Variants in MND1 observed in about 807,000 individuals in gnomAD.
MND1 encodes the protein meiotic nuclear division protein 1 homolog.
MND1 carries 28 observed loss-of-function variants against 35.1 expected under a neutral mutation model. The ratio of observed to expected loss-of-function variants is 0.80; its 90% confidence interval spans 0.59 to 1.09. MND1 has a LOEUF of 1.09. Ranked by LOEUF, MND1 falls within the 50% of genes least tolerant of loss-of-function variation. The pLI, the probability that MND1 is intolerant of heterozygous loss-of-function variation, is 0.00. For synonymous variants in MND1, 69 were observed against 70.5 expected (o/e 0.98, Z 0.11); for missense variants, 213 against 239.6 (o/e 0.89, Z 0.73).
intron 1 of MND1, among the ~76,000 whole-genome samples, chr4:153,349,235 T>G (rs1207179969): frequency 6.6e-6 from 1 of 152,188 alleles, no homozygotes; most frequent in Non-Finnish European, 1.5e-5. Flanking sequence ...CTACATATTG[T>G]CTTAATTTCA....
intron 5 of MND1, among the ~76,000 whole-genome samples, chr4:153,396,309 G>T (rs1460400491): frequency 1.3e-5 from 2 of 152,144 alleles, no homozygotes; most frequent in Non-Finnish European, 2.9e-5. Flanking sequence ...GGGCCGTGCT[G>T]CTTCTGAGCG....
intron 4 of MND1, among the ~76,000 whole-genome samples, chr4:153,373,984 T>C (rs975521176): frequency 1.3e-5 from 2 of 151,830 alleles, no homozygotes; most frequent in African/African-American, 2.4e-5. Context: ...ATGGAAAGAG[T>C]AGTAGTTAGA....
chr4:153,363,770 G>T (rs901840225), intron 4 of MND1, among the ~76,000 whole-genome samples: 4 of 152,202 alleles, frequency 2.6e-5, no homozygotes, highest in African/African-American at 9.6e-5. Context: ...ATTTTTACCA[G>T]AGAAGTTACA....
chr4:153,411,751 T>C (rs1403316773), intron 7 of MND1, among the ~76,000 whole-genome samples: 2 of 152,222 alleles, frequency 1.3e-5, no homozygotes, highest in African/African-American at 2.4e-5. Flanking sequence ...TGTTCTCTCA[T>C]TTCCTAGAAA....
At chr4:153,379,865 A>C (rs1178092325) in intron 4 of MND1, among the ~76,000 whole-genome samples, 2 of 150,354 alleles carry the variant, frequency 1.3e-5, no homozygotes, top group Non-Finnish European at 3.0e-5. Context: ...AAAAAAAAAA[A>C]AAAAAAAAAA....
intron 2 of MND1, among the ~76,000 whole-genome samples, chr4:153,353,815 G>T (rs1273964870): frequency 2.0e-5 from 3 of 152,072 alleles, no homozygotes; most frequent in Admixed American, 6.5e-5. Flanking sequence ...CACCTCCCAG[G>T]TTCAAGCGAT....
At chr4:153,374,164 C>T (rs1728417088) in intron 4 of MND1, among the ~76,000 whole-genome samples, 1 of 152,188 alleles carries the variant, frequency 6.6e-6, no homozygotes, top group South Asian at 2.1e-4. Flanking sequence ...ATGCCTGGTA[C>T]TTTAGGCAGT....
intron 4 of MND1, among the ~76,000 whole-genome samples, chr4:153,377,766 C>T (rs1211747880): frequency 3.3e-5 from 5 of 152,164 alleles, no homozygotes; most frequent in Admixed American, 1.3e-4. Context: ...GGAGTAGACT[C>T]TAGACCTAGA....
chr4:153,344,848 C>A, intron 1 of MND1, 108 bp downstream of exon 1: 2 of 1,506,616 alleles, frequency 1.3e-6, no homozygotes, highest in Non-Finnish European at 1.8e-6. Flanking sequence ...CCATTCCGGG[C>A]CGCGGGAGCG....
chr4:153,400,875 A>G (rs1156992796), intron 6 of MND1, among the ~76,000 whole-genome samples: 1 of 152,232 alleles, frequency 6.6e-6, no homozygotes, highest in Admixed American at 6.5e-5. Context: ...CAGAACATTT[A>G]AAAAGTTATT....
At chr4:153,400,880 G>A (rs1729329667) in intron 6 of MND1, among the ~76,000 whole-genome samples, 1 of 152,066 alleles carries the variant, frequency 6.6e-6, no homozygotes, top group Admixed American at 6.6e-5. Context: ...CATTTAAAAA[G>A]TTATTATAAC....
At chr4:153,387,089 A>C (rs1728889960) in intron 4 of MND1, among the ~76,000 whole-genome samples, 1 of 152,246 alleles carries the variant, frequency 6.6e-6, no homozygotes, top group Admixed American at 6.5e-5. Context: ...ATTATATAGA[A>C]AACTTAAAAG....
intron 4 of MND1, among the ~76,000 whole-genome samples, chr4:153,390,001 A>G (rs1014150885): frequency 3.3e-5 from 5 of 151,540 alleles, no homozygotes; most frequent in Non-Finnish European, 4.4e-5. Context: ...GGTAGAGCCC[A>G]GCAACCTGTG....
intron 4 of MND1, among the ~76,000 whole-genome samples, chr4:153,369,740 C>T (rs1035841553): frequency 2.0e-5 from 3 of 151,274 alleles, no homozygotes; most frequent in Admixed American, 6.6e-5. Context: ...ATAAGACAAC[C>T]GTGAAGTTTG....
Position 153,358,454 on chromosome 4 carries a change from CT to C in MND1, c.128-17del, listed in dbSNP as rs751725851. On this transcript the variant is annotated intron_variant, in intron 3 of 7. Transcript: ENST00000240488. ...TTATGGTGTTTTTCTAACATAGAGT[CT>C]TTAAAAATTGTCTCTTAGCTGCTAT... 1 of 1,562,516 alleles carries C rather than the reference CT, an allele frequency of 6.4e-7. No individual in the cohort carries two copies. The highest frequency in any genetic ancestry group is 8.7e-7 in the Non-Finnish European group (1 of 1,155,736).
chr4:153,400,672 A>G (rs1444858540), intron 6 of MND1, among the ~76,000 whole-genome samples: 1 of 152,160 alleles, frequency 6.6e-6, no homozygotes, highest in African/African-American at 2.4e-5. Context: ...TGGTCGTGCC[A>G]CTATACTCCA....
chr4:153,392,423 A>T (rs1436633069), intron 4 of MND1, among the ~76,000 whole-genome samples: 1 of 152,144 alleles, frequency 6.6e-6, no homozygotes, highest in East Asian at 1.9e-4. Flanking sequence ...TTAGTTTTTT[A>T]TAATCAGCCA....
chr4:153,361,407 T>G (rs1350469772), intron 4 of MND1: 1 of 454,316 alleles, frequency 2.2e-6, no homozygotes, highest in Non-Finnish European at 4.4e-6. Flanking sequence ...TAATCTCTCT[T>G]CTGTTTGCTT....
At chr4:153,362,835 C>T (rs189683090) in intron 4 of MND1, among the ~76,000 whole-genome samples, 48 of 152,054 alleles carry the variant, frequency 3.2e-4, no homozygotes, top group African/African-American at 1.1e-3. Context: ...TTTTTTTAGT[C>T]TCTGGGTACT....
Sources: gnomAD v4.1 joint callset for allele counts (sites outside exome capture counted in the v4.1 genomes callset) on GRCh38, gnomAD v4.1.1 for gene constraint, MANE v1.5 for transcripts, NCBI Gene and HGNC (gene_info 2026-07-23, HGNC 2026-07-21) for gene names.